The following PDZD2 variants were observed in gnomAD, a reference collection of about 807,000 sequenced individuals.
The protein encoded by PDZD2 is PDZ domain-containing protein 2.
Under a neutral mutation model 220.7 loss-of-function variants are expected in PDZD2, and 90 were observed. That is an observed-to-expected ratio of 0.41 (90% confidence interval 0.34 to 0.49). The LOEUF is 0.49. Ranked by LOEUF, PDZD2 falls within the 20% of genes least tolerant of loss-of-function variation. PDZD2 has a pLI of 0.28. For missense variants in PDZD2, 3,174 were observed against 3,608.5 expected, an observed-to-expected ratio of 0.88 and a Z score of 3.08; for synonymous variants, 1,375 against 1,450.5, an observed-to-expected ratio of 0.95 and a Z score of 1.18.
intron 12 of PDZD2, 22 bp downstream of exon 12, chr5:32,058,125 C>G (rs765165561): frequency 1.4e-5 from 16 of 1,178,356 alleles, no homozygotes; most frequent in Non-Finnish European, 2.0e-5. Context: ...TATTCCTTAC[C>G]TTTGTCTCAT....
chr5:32,013,571 G>A (rs1029907290), intron 6 of PDZD2, among the ~76,000 whole-genome samples: 6 of 152,080 alleles, frequency 3.9e-5, no homozygotes, highest in African/African-American at 1.2e-4. Flanking sequence ...GGGAAGCTTT[G>A]TGTTGCCTTT....
intron 1 of PDZD2, among the ~76,000 whole-genome samples, chr5:31,733,212 A>C (rs1215198401): frequency 6.6e-6 from 1 of 152,186 alleles, no homozygotes; most frequent in African/African-American, 2.4e-5. Flanking sequence ...AAGGGAGTAC[A>C]GGGGCTGCCC....
intron 1 of PDZD2, among the ~76,000 whole-genome samples, chr5:31,795,950 A>G (rs994994764): frequency 2.6e-5 from 4 of 152,074 alleles, no homozygotes; most frequent in African/African-American, 9.7e-5. Flanking sequence ...TGTATTTCCA[A>G]CAATTTTTCC....
rs114631856 is a variant in PDZD2, at chr5:31,644,400, G to A, written c.-361+4963G>A. Among the ~76,000 whole-genome samples the A allele has an allele frequency of 3.0e-3, 452 of 152,318 alleles. 3 individuals are homozygous for A. The highest frequency in any genetic ancestry group is 0.011 in the African/African-American group (438 of 41,572). ...GTAGGTCATCTGATTCAGTCTGATTGTCTGAGAGCTAAAGAGTTCTGCCTT... is the reference window on the plus strand; with the variant it reads ...GTAGGTCATCTGATTCAGTCTGATTATCTGAGAGCTAAAGAGTTCTGCCTT... On this transcript the variant is annotated intron_variant, in intron 1 of 24. Transcript: ENST00000438447.
At chr5:31,866,454 A>AG (rs1451776924) in intron 2 of PDZD2, among the ~76,000 whole-genome samples, 5 of 152,098 alleles carry the variant, frequency 3.3e-5, no homozygotes, top group African/African-American at 7.2e-5. Context: ...GGGCAGAGAG[A>AG]GGGTGGGTAT....
intron 1 of PDZD2, among the ~76,000 whole-genome samples, chr5:31,702,545 G>A (rs138918099): frequency 1.9e-3 from 284 of 152,254 alleles, no homozygotes; most frequent in African/African-American, 6.5e-3. Context: ...CCCACTCTGC[G>A]GTTCCTTCCC....
chr5:32,009,761 G>T (rs1581267286), intron 5 of PDZD2, among the ~76,000 whole-genome samples: 1 of 151,702 alleles, frequency 6.6e-6, no homozygotes, highest in Admixed American at 6.6e-5. Context: ...TTTATAAAGG[G>T]ATCTTAAATT....
At chr5:31,666,958 C>T (rs1472183180) in intron 1 of PDZD2, among the ~76,000 whole-genome samples, 1 of 151,926 alleles carries the variant, frequency 6.6e-6, no homozygotes, top group African/African-American at 2.4e-5. Context: ...GTGTGCCAGC[C>T]AGGCGCGGTG....
intron 15 of PDZD2, among the ~76,000 whole-genome samples, chr5:32,070,903 G>GATAATTGCTTGAACCTGGGAGGC (rs33959770): frequency 8.6e-5 from 13 of 151,602 alleles, no homozygotes; most frequent in Admixed American, 7.2e-4. Context: ...GCTGAGACAG[G>GATAATTGCTTGAACCTGGGAGGC]AGAGGTTTCA....
rs573858635 is a variant in PDZD2, at chr5:31,855,731, C to T, written c.476+56007C>T. On this transcript the variant is annotated intron_variant, in intron 2 of 24. Transcript: ENST00000438447. ...AGATCTTTGCCCCCAAATTACTAAA[C>T]AGCCTGCTTGGACAACAGCCCCACC... Among the ~76,000 whole-genome samples, 3 of 152,366 alleles carry T rather than the reference C, an allele frequency of 2.0e-5. No homozygotes were observed. In the South Asian group the frequency reaches 6.2e-4, roughly 32 times the overall value.
intron 1 of PDZD2, among the ~76,000 whole-genome samples, chr5:31,686,949 T>C (rs1462379462): frequency 6.6e-6 from 1 of 152,210 alleles, no homozygotes; most frequent in African/African-American, 2.4e-5. Context: ...ACTCGGAATC[T>C]CTGCTCACCT....
At chr5:31,898,221 C>CCT (rs1299581940) in intron 2 of PDZD2, among the ~76,000 whole-genome samples, 2 of 152,208 alleles carry the variant, frequency 1.3e-5, no homozygotes, top group African/African-American at 4.8e-5. Flanking sequence ...ACCATTCTTG[C>CCT]CTCTGTAGGA....
intron 1 of PDZD2, among the ~76,000 whole-genome samples, chr5:31,741,011 G>A (rs192575338): frequency 3.9e-5 from 6 of 152,148 alleles, no homozygotes; most frequent in African/African-American, 1.4e-4. Context: ...CCTTCTTAGT[G>A]CCTCAAACTA....
chr5:32,044,140 C>T (rs1255061237), intron 7 of PDZD2, among the ~76,000 whole-genome samples: 1 of 151,658 alleles, frequency 6.6e-6, no homozygotes, highest in Admixed American at 6.6e-5. Flanking sequence ...ACCAGCCTGG[C>T]CAACACGGTG....
intron 2 of PDZD2, among the ~76,000 whole-genome samples, chr5:31,970,233 C>CT (rs1749177254): frequency 1.3e-5 from 2 of 152,276 alleles, no homozygotes; most frequent in South Asian, 4.1e-4. Flanking sequence ...ATAGGCAATT[C>CT]TCAAGACAAA....
Position 31,674,565 on chromosome 5 carries a change from C to T in PDZD2, c.-361+35128C>T, listed in dbSNP as rs1746333041. Among the ~76,000 whole-genome samples, 3 of 152,106 alleles carry T rather than the reference C, an allele frequency of 2.0e-5. No homozygotes were observed. In the South Asian group the frequency reaches 6.2e-4, roughly 32 times the overall value. ...AATTGGGCAATTAGAACAGTGAAGG[C>T]GCAAGATGAGAGCAGTCTGGTCTTG... is the stretch of plus-strand genomic sequence containing the variant. On this transcript the variant is annotated intron_variant, in intron 1 of 24. Transcript: ENST00000438447.
intron 2 of PDZD2, among the ~76,000 whole-genome samples, chr5:31,819,983 T>C: frequency 6.6e-6 from 1 of 152,210 alleles, no homozygotes; most frequent in East Asian, 1.9e-4. Flanking sequence ...GACAGCCTGA[T>C]GATGACAGTG....
At chr5:31,730,592 G>GTGTGT (rs3222598) in intron 1 of PDZD2, among the ~76,000 whole-genome samples, 7 of 121,170 alleles carry the variant, frequency 5.8e-5, no homozygotes, top group African/African-American at 2.2e-4. Context: ...GTGTGTGTGT[G>GTGTGT]GTGTGTGTGT....
intron 1 of PDZD2, among the ~76,000 whole-genome samples, chr5:31,647,719 A>C (rs543755896): frequency 2.6e-5 from 4 of 152,236 alleles, no homozygotes; most frequent in Non-Finnish European, 5.9e-5. Flanking sequence ...TAATTTAATT[A>C]CATCTGCAGA....
Sources: gnomAD v4.1 joint callset for allele counts (sites outside exome capture counted in the v4.1 genomes callset) on GRCh38, gnomAD v4.1.1 for gene constraint, MANE v1.5 for transcripts, NCBI Gene and HGNC (gene_info 2026-07-23, HGNC 2026-07-21) for gene names.